The following PARD3B variants were observed in gnomAD, a reference collection of about 807,000 sequenced individuals.
The protein encoded by PARD3B is par-3 family cell polarity regulator beta.
A neutral mutation model predicts 130.2 loss-of-function variants in PARD3B; 103 were observed. The ratio of observed to expected loss-of-function variants is 0.79; its 90% CI spans 0.67 to 0.93. PARD3B has a LOEUF of 0.93. Ranked by LOEUF, PARD3B falls within the 40% of genes least tolerant of loss-of-function variation. The pLI, the probability that PARD3B is intolerant of heterozygous loss-of-function variation, is 0.00. For synonymous variants in PARD3B, 583 were observed against 553.2 expected, an observed-to-expected ratio of 1.05 and a Z score of -0.76; for missense variants, 1,609 against 1,499.2, an observed-to-expected ratio of 1.07 and a Z score of -1.21.
At chr2:204,809,392 G>T (rs1216856932) in intron 2 of PARD3B, among the ~76,000 whole-genome samples, 1 of 151,856 alleles carries the variant, frequency 6.6e-6, no homozygotes, top group African/African-American at 2.4e-5. Flanking sequence ...TGTCTTCCAG[G>T]GTTTTTATAG....
chr2:205,453,456 G>A (rs889160615), intron 20 of PARD3B, among the ~76,000 whole-genome samples: 4 of 152,158 alleles, frequency 2.6e-5, no homozygotes, highest in South Asian at 2.1e-4. Flanking sequence ...AATGGGGAAC[G>A]CTTAAAGTAG....
chr2:205,344,439 C>T (rs1354841106), intron 18 of PARD3B, among the ~76,000 whole-genome samples: 5 of 152,104 alleles, frequency 3.3e-5, no homozygotes, highest in Non-Finnish European at 7.4e-5. Flanking sequence ...ATGCTTCAGC[C>T]TTCCAGTATC....
intron 2 of PARD3B, among the ~76,000 whole-genome samples, chr2:204,848,319 G>C (rs1385280776): frequency 6.6e-6 from 1 of 152,084 alleles, no homozygotes; most frequent in Non-Finnish European, 1.5e-5. Context: ...AGTTTATTCA[G>C]TTCTGTTTTT....
chr2:205,398,681 G>A (rs777821803), intron 18 of PARD3B, among the ~76,000 whole-genome samples: 4 of 152,188 alleles, frequency 2.6e-5, no homozygotes, highest in Admixed American at 6.5e-5. Flanking sequence ...ATGAATATAA[G>A]CAATGCCACC....
At chr2:204,633,282 T>C (rs1053066833) in intron 1 of PARD3B, among the ~76,000 whole-genome samples, 1 of 152,092 alleles carries the variant, frequency 6.6e-6, no homozygotes, top group African/African-American at 2.4e-5. Context: ...TACAAAAATA[T>C]CAATTCCTGA....
intron 16 of PARD3B, among the ~76,000 whole-genome samples, chr2:205,259,896 G>A (rs1484359680): frequency 2.0e-5 from 3 of 152,114 alleles, no homozygotes; most frequent in Admixed American, 2.0e-4. Flanking sequence ...TGGGACCCAA[G>A]TCTAGACATA....
rs575321988 is a variant in PARD3B, at chr2:204,673,762, G to A, written c.121-12419G>A. 1.4e-4 allele frequency among the ~76,000 whole-genome samples: 22 copies of A among 152,208 alleles called. No individual in the cohort carries two copies. In the East Asian group the frequency reaches 2.5e-3, roughly 17 times the overall value. On this transcript the variant is annotated intron_variant, in intron 1 of 22. Coordinates refer to ENST00000406610, the MANE Select transcript of PARD3B (RefSeq NM_001302769.2). This position sits in a 1 kb window ranked among gnomAD's most constrained non-coding sequence, Gnocchi z 4.7. ...ACTTACTAACATATCATTAATTCAC[G>A]TATGTATTTTGTTTGTTAATTATTG...
rs753648807 is a variant in PARD3B, at chr2:204,748,993, AC to A, written c.222+62716del. Among the ~76,000 whole-genome samples the A allele has an allele frequency of 2.6e-5, 4 of 152,146 alleles. No individual in the cohort carries two copies. The East Asian group carries it at 7.7e-4, about 29-fold the overall frequency. ...CTTATAATTTTATTTACTTGAGCCA[AC>A]CCCCTTTTCGTTAATATCAAGGGTA... On this transcript the variant is annotated intron_variant, in intron 2 of 22. Coordinates refer to ENST00000406610, the MANE Select transcript of PARD3B (RefSeq NM_001302769.2).
At chr2:204,725,985 T>C (rs1258072469) in intron 2 of PARD3B, among the ~76,000 whole-genome samples, 1 of 152,170 alleles carries the variant, frequency 6.6e-6, no homozygotes, top group Non-Finnish European at 1.5e-5. Flanking sequence ...ATTGGGAAGC[T>C]AAGAAGCAGA....
intron 15 of PARD3B, among the ~76,000 whole-genome samples, chr2:205,215,634 A>T (rs1387689078): frequency 6.6e-6 from 1 of 152,174 alleles, no homozygotes; most frequent in Non-Finnish European, 1.5e-5. Flanking sequence ...ACATTGGCAA[A>T]TGCTGAAATA....
chr2:204,812,524 G>A (rs1325223930), intron 2 of PARD3B, among the ~76,000 whole-genome samples: 1 of 152,160 alleles, frequency 6.6e-6, no homozygotes, highest in Non-Finnish European at 1.5e-5. Context: ...TCTGGGGTCT[G>A]CATTTCTTCT....
chr2:205,552,395 T>G (rs1422708855), intron 21 of PARD3B, among the ~76,000 whole-genome samples: 1 of 152,024 alleles, frequency 6.6e-6, no homozygotes, highest in Non-Finnish European at 1.5e-5. Flanking sequence ...AAAAGGTGCT[T>G]TTATTTATTT....
At chr2:205,038,681 A>T (rs896756849) in intron 3 of PARD3B, among the ~76,000 whole-genome samples, 1 of 152,228 alleles carries the variant, frequency 6.6e-6, no homozygotes. Context: ...ATACTAAAAG[A>T]TGCTTTATCA....
intron 4 of PARD3B, among the ~76,000 whole-genome samples, chr2:205,092,724 T>C (rs548067900): frequency 6.6e-6 from 1 of 152,266 alleles, no homozygotes; most frequent in African/African-American, 2.4e-5. Flanking sequence ...TTGCCTCAAG[T>C]GTAAGGTCCC....
rs2037678332 is a variant in PARD3B, at chr2:204,697,652, G to T, written c.222+11370G>T. Among the ~76,000 whole-genome samples, 3 of 152,178 alleles carry T rather than the reference G, an allele frequency of 2.0e-5. No individual in the cohort carries two copies. In the South Asian group the frequency reaches 6.2e-4, roughly 32 times the overall value. ...CATGCATTTCAGTCTGGAAATACAG[G>T]ATTGGCCTACATAGTCCGTTGTGAT... is the stretch of plus-strand genomic sequence containing the variant. On this transcript the variant is annotated intron_variant, in intron 2 of 22. Transcript: ENST00000406610.
chr2:204,869,510 T>A (rs938991947), intron 2 of PARD3B, among the ~76,000 whole-genome samples: 2 of 152,166 alleles, frequency 1.3e-5, no homozygotes, highest in African/African-American at 4.8e-5. Context: ...AATCTAAAAT[T>A]AGAGCCTGAA....
Position 205,078,568 on chromosome 2 carries a change from T to G in PARD3B, c.505-25858T>G, listed in dbSNP as rs778253104. The stretch of plus-strand genomic sequence containing the variant: ...TTGTAGTATTTTGCTTAAATTCATG[T>G]AATTTTTTTAATCCATAGGGTAAGT... On this transcript the variant is annotated intron_variant, in intron 4 of 22. Coordinates refer to ENST00000406610, the MANE Select transcript of PARD3B (RefSeq NM_001302769.2). The surrounding 1 kb of genome is among the most constrained non-coding windows in gnomAD (Gnocchi z 4.0). 2.0e-5 allele frequency among the ~76,000 whole-genome samples: 3 copies of G among 152,230 alleles called. No individual in the cohort carries two copies. Among genetic ancestry groups the G allele is most frequent in the Non-Finnish European group, 4.4e-5 (3 of 68,034 alleles).
intron 10 of PARD3B, among the ~76,000 whole-genome samples, chr2:205,143,304 T>C (rs2033119238): frequency 6.6e-6 from 1 of 152,218 alleles, no homozygotes; most frequent in South Asian, 2.1e-4. Context: ...TTCTTTTTCA[T>C]GTATCAGCAA....
At chr2:205,030,018 C>G (rs1697310277) in intron 3 of PARD3B, among the ~76,000 whole-genome samples, 1 of 152,106 alleles carries the variant, frequency 6.6e-6, no homozygotes, top group Non-Finnish European at 1.5e-5. Flanking sequence ...GCATTGCAAG[C>G]CAGTATATAA....
Sources: gnomAD v4.1 joint callset for allele counts (sites outside exome capture counted in the v4.1 genomes callset) on GRCh38, gnomAD v4.1.1 for gene constraint, Gnocchi (gnomAD v3.1) non-coding constraint, MANE v1.5 for transcripts, NCBI Gene and HGNC (gene_info 2026-07-23, HGNC 2026-07-21) for gene names.